The following STATH variants were observed in gnomAD, a reference collection of about 807,000 sequenced individuals.
STATH encodes statherin.
STATH carries 11 observed loss-of-function variants against 13.3 expected under a neutral mutation model. The ratio of observed to expected loss-of-function variants is 0.83; its 90% confidence interval spans 0.52 to 1.37. The LOEUF (loss-of-function observed/expected upper bound fraction) is 1.37. STATH is among the 40% of genes most tolerant of loss of function. The pLI is 0.00. For synonymous variants in STATH, 25 were observed against 23.6 expected (o/e 1.06, Z -0.17); for missense variants, 78 against 73.3 (o/e 1.06, Z -0.24).
chr4:69,997,377 T>TA (rs1253009697), intron 1 of STATH, among the ~76,000 whole-genome samples: 2 of 152,244 alleles, frequency 1.3e-5, no homozygotes, highest in East Asian at 3.9e-4. Context: ...TATAATTAGG[T>TA]AAAAAATATT....
Position 70,000,722 on chromosome 4 carries a change from A to G in STATH, c.103-141A>G, listed in dbSNP as rs974062690. The G allele has an allele frequency of 9.4e-6, 6 of 637,410 alleles. No individual in the cohort carries two copies. In the Admixed American group the frequency reaches 1.4e-4, roughly 15 times the overall value. 39.5% of individuals were successfully genotyped at this position (637,410 alleles called of 1,614,324 possible). ...AATGTGTTTATAACCAAAAAGAAAA[A>G]TCTAATTGAAAGTTTGGAAAAAAAT... On this transcript the variant is annotated intron_variant, in intron 4 of 5. Transcript: ENST00000246895.
intron 2 of STATH, chr4:69,999,006 T>C (rs941258213): frequency 1.3e-5 from 2 of 152,380 alleles, no homozygotes; most frequent in Admixed American, 6.6e-5. Context: ...ATGTTATGAG[T>C]TCCCAGCTTT....
At position 70,001,456 on chromosome 4, in the gene STATH, A is replaced by G. The variant is rs145001348; in HGVS notation, c.*33+474A>G. Among the ~76,000 whole-genome samples the G allele has an allele frequency of 2.2e-3, 328 of 151,946 alleles. 3 individuals are homozygous for G. The highest frequency in any genetic ancestry group is 7.5e-3 in the African/African-American group (313 of 41,526). On this transcript the variant is annotated intron_variant, in intron 5 of 5. Coordinates refer to ENST00000246895, the MANE Select transcript of STATH (RefSeq NM_003154.3). ...CTTAAAGTTTTCACTCCCAAAATGC[A>G]ATCTTTGGAGAAGCTTCCATCTGGG...
At chr4:69,997,385 A>G (rs1333456314) in intron 1 of STATH, among the ~76,000 whole-genome samples, 1 of 152,216 alleles carries the variant, frequency 6.6e-6, no homozygotes, top group Non-Finnish European at 1.5e-5. Flanking sequence ...GGTAAAAAAT[A>G]TTCTTGTAAT....
At position 69,998,417 on chromosome 4, in the gene STATH, T is replaced by G. The variant is rs1446025713; in HGVS notation, c.-15-6T>G. ...TGTGATACTGAATTTCCACATATGT[T>G]TTCAGAGAACCCAGCCAACTATGAA... On this transcript the variant is annotated splice_region_variant and splice_polypyrimidine_tract_variant and intron_variant, in intron 1 of 5. Transcript: ENST00000246895. The G allele has an allele frequency of 4.4e-6, 7 of 1,607,712 alleles. No homozygotes were observed. Among genetic ancestry groups the G allele is most frequent in the Middle Eastern group, 3.3e-4 (2 of 6,032 alleles).
chr4:69,999,632 G>A (rs1183369971), intron 2 of STATH, 35 bp from the exon 3 acceptor site: 1 of 1,599,832 alleles, frequency 6.3e-7, no homozygotes. Flanking sequence ...ATAACATTAA[G>A]ATACTAACTA....
intron 1 of STATH, among the ~76,000 whole-genome samples, chr4:69,996,530 A>C (rs181259181): frequency 6.6e-6 from 1 of 152,282 alleles, no homozygotes; most frequent in African/African-American, 2.4e-5. Flanking sequence ...GCATAATAAA[A>C]AATGTTGTAT....
intron 5 of STATH, 51 bp downstream of exon 5, chr4:70,001,033 G>C (rs1231334466): frequency 7.7e-7 from 1 of 1,304,068 alleles, no homozygotes; most frequent in Non-Finnish European, 1.1e-6. Context: ...AGTGCTGACA[G>C]TTAAAAGAAG....
chr4:70,001,292 G>A (rs1724661448), intron 5 of STATH, among the ~76,000 whole-genome samples: 2 of 151,742 alleles, frequency 1.3e-5, no homozygotes, highest in African/African-American at 4.8e-5. Context: ...AAAAAATTGT[G>A]TATTATGATA....
intron 4 of STATH, chr4:70,000,245 T>G (rs1002825195): frequency 2.4e-5 from 4 of 165,636 alleles, no homozygotes; most frequent in African/African-American, 9.6e-5. Context: ...CAAATTTCAT[T>G]TATTTAACAT....
At chr4:70,001,012 C>T in intron 5 of STATH, 30 bp downstream of exon 5, 1 of 1,458,046 alleles carries the variant, frequency 6.9e-7, no homozygotes, top group Non-Finnish European at 9.6e-7. Context: ...ATTTTTTTTA[C>T]TTTCTGTATC....
intron 5 of STATH, among the ~76,000 whole-genome samples, chr4:70,001,889 T>C (rs1477085592): frequency 6.6e-6 from 1 of 151,820 alleles, no homozygotes; most frequent in East Asian, 1.9e-4. Context: ...TGTATTGAAA[T>C]ATTATTTAGA....
intron 1 of STATH, among the ~76,000 whole-genome samples, chr4:69,997,241 C>A (rs1237220702): frequency 6.6e-6 from 1 of 151,958 alleles, no homozygotes; most frequent in African/African-American, 2.4e-5. Flanking sequence ...CCACCACACC[C>A]GGCCAGAAAT....
chr4:69,998,210 C>A lies in STATH; in HGVS notation c.-15-213C>A, dbSNP rs1212056164. ...GTAAGGTGTTGATTTGTGTGTTACT[C>A]TAATGCCTTAGCATTTCCATATCAA... On this transcript the variant is annotated intron_variant, in intron 1 of 5. Coordinates refer to ENST00000246895, the MANE Select transcript of STATH (RefSeq NM_003154.3). 1.5e-5 allele frequency: 8 copies of A among 516,468 alleles called. No individual in the cohort carries two copies. The East Asian group carries it at 2.1e-4, about 14-fold the overall frequency. 32.0% of individuals were successfully genotyped at this position (516,468 alleles called of 1,614,324 possible). A position where few individuals can be genotyped will look rare whatever the true frequency, so the allele number is the denominator to read the frequency against.
intron 1 of STATH, 22 bp from the exon 2 acceptor site, chr4:69,998,401 G>A (rs1290612432): frequency 1.3e-6 from 2 of 1,594,826 alleles, no homozygotes; most frequent in South Asian, 1.1e-5. Flanking sequence ...ATGTGATACT[G>A]AATTTCCACA....
Position 70,001,497 on chromosome 4 carries a change from T to G in STATH, c.*33+515T>G, listed in dbSNP as rs186046870. Reference sequence around the variant, plus strand: ...TCCATCTGGGAACCATCTGGGAACTTGTGAGAAATTTGCATTTTGTACCCT... The same window carrying G: ...TCCATCTGGGAACCATCTGGGAACTGGTGAGAAATTTGCATTTTGTACCCT... On this transcript the variant is annotated intron_variant, in intron 5 of 5. Coordinates refer to ENST00000246895, the MANE Select transcript of STATH (RefSeq NM_003154.3). Among the ~76,000 whole-genome samples, 4 of 151,860 alleles carry G rather than the reference T, an allele frequency of 2.6e-5. No homozygotes were observed. The Admixed American group carries it at 2.6e-4, about 10-fold the overall frequency.
chr4:69,999,921 G>C, intron 4 of STATH, 112 bp downstream of exon 4: 1 of 1,234,054 alleles, frequency 8.1e-7, no homozygotes. Flanking sequence ...AGTTGCAAAA[G>C]TGTGCTTTGT....
chr4:69,999,872 T>C, intron 4 of STATH, 63 bp downstream of exon 4: 1 of 1,572,546 alleles, frequency 6.4e-7, no homozygotes. Flanking sequence ...TACTTATTCT[T>C]CTAGAAGAAC....
intron 2 of STATH, 99 bp from the exon 3 acceptor site, chr4:69,999,568 C>T (rs1443627874): frequency 8.5e-7 from 1 of 1,178,306 alleles, no homozygotes; most frequent in African/African-American, 1.5e-5. Flanking sequence ...TGCCTACATC[C>T]TGTTTACTCA....
Sources: gnomAD v4.1 joint callset for allele counts (sites outside exome capture counted in the v4.1 genomes callset) on GRCh38, gnomAD v4.1.1 for gene constraint, MANE v1.5 for transcripts, NCBI Gene and HGNC (gene_info 2026-07-23, HGNC 2026-07-21) for gene names.